The following OPCML variants were observed in gnomAD, a reference collection of about 807,000 sequenced individuals.
OPCML encodes opioid-binding protein/cell adhesion molecule.
In OPCML, 13 loss-of-function variants were observed where a neutral mutation model predicts 37.8. The ratio of observed to expected loss-of-function variants is 0.34; its 90% confidence interval spans 0.22 to 0.55. The LOEUF is 0.55. Among genes scored for constraint, OPCML ranks in the 20% least tolerant of loss-of-function variants. The pLI, the probability that OPCML is intolerant of heterozygous loss-of-function variation, is 0.91. For synonymous variants in OPCML, 176 were observed against 168.8 expected, an observed-to-expected ratio of 1.04 and a Z score of -0.33; for missense variants, 341 against 435.6, an observed-to-expected ratio of 0.78 and a Z score of 1.93.
At chr11:133,482,578 G>A (rs538607837) in intron 1 of OPCML, among the ~76,000 whole-genome samples, 1 of 152,152 alleles carries the variant, frequency 6.6e-6, no homozygotes, top group South Asian at 2.1e-4. Flanking sequence ...GAATGCTCCT[G>A]TTACCTCTGT....
At chr11:133,273,653 C>T (rs1941913422) in intron 1 of OPCML, among the ~76,000 whole-genome samples, 1 of 152,140 alleles carries the variant, frequency 6.6e-6, no homozygotes. Flanking sequence ...ATCTGCTAAG[C>T]CAGAAGCTGA....
chr11:132,649,900 C>T (rs545090637), intron 3 of OPCML, among the ~76,000 whole-genome samples: 4 of 151,760 alleles, frequency 2.6e-5, no homozygotes, highest in Admixed American at 1.3e-4. Context: ...CTCACACTCA[C>T]GAATGCCCTC....
chr11:132,628,984 G>A (rs750862081), intron 3 of OPCML, among the ~76,000 whole-genome samples: 1 of 152,116 alleles, frequency 6.6e-6, no homozygotes, highest in African/African-American at 2.4e-5. Context: ...AGTCTTGGGT[G>A]TGTCTTTATT....
At position 132,580,075 on chromosome 11, in the gene OPCML, C is replaced by T. The variant is rs188018488; in HGVS notation, c.380-50889G>A. On this transcript the variant is annotated intron_variant, in intron 3 of 7. Transcript: ENST00000524381. ...CTTAGCAACCTTGGCATCTTTGCAG[C>T]CTGAGAGAAGGGGAACCAGCAAACA... 2.0e-3 allele frequency among the ~76,000 whole-genome samples: 306 copies of T among 152,240 alleles called. 3 individuals carry two copies. The South Asian group carries it at 0.022, about 11-fold the overall frequency.
chr11:133,000,643 A>G (rs1946980379), intron 1 of OPCML, among the ~76,000 whole-genome samples: 1 of 152,226 alleles, frequency 6.6e-6, no homozygotes, highest in Non-Finnish European at 1.5e-5. Flanking sequence ...GAGAGAAGTA[A>G]TAAGGAAGGC....
intron 1 of OPCML, among the ~76,000 whole-genome samples, chr11:133,108,287 G>T (rs1456062521): frequency 6.6e-6 from 1 of 152,172 alleles, no homozygotes; most frequent in Non-Finnish European, 1.5e-5. Flanking sequence ...GTCCTTAGAA[G>T]GGTGTTGTTG....
intron 2 of OPCML, among the ~76,000 whole-genome samples, chr11:132,803,334 C>T (rs910432876): frequency 7.2e-5 from 11 of 152,156 alleles, no homozygotes; most frequent in African/African-American, 2.4e-4. Flanking sequence ...TATATTATTC[C>T]ACCCAAAGCT....
chr11:132,495,045 C>G (rs1171150191), intron 4 of OPCML, among the ~76,000 whole-genome samples: 1 of 148,746 alleles, frequency 6.7e-6, no homozygotes, highest in Admixed American at 6.6e-5. Context: ...GAGTGCTTTT[C>G]TCAAAGTTTA....
chr11:132,974,780 C>A (rs1447228599), intron 1 of OPCML, among the ~76,000 whole-genome samples: 1 of 152,102 alleles, frequency 6.6e-6, no homozygotes, highest in African/African-American at 2.4e-5. Flanking sequence ...TCAACACTTT[C>A]TCTTCCTTCA....
At chr11:132,554,872 T>TTTTTG (rs1555152103) in intron 3 of OPCML, among the ~76,000 whole-genome samples, 4 of 131,114 alleles carry the variant, frequency 3.1e-5, no homozygotes, top group African/African-American at 1.2e-4. Context: ...AGTTTTTTTT[T>TTTTTG]TTTTTTTTTT....
chr11:132,700,934 CTAA>C (rs775068010), intron 2 of OPCML, among the ~76,000 whole-genome samples: 6 of 152,144 alleles, frequency 3.9e-5, no homozygotes, highest in Non-Finnish European at 8.8e-5. Flanking sequence ...TTTCATTCTG[CTAA>C]TGTTTGCTTT....
intron 1 of OPCML, among the ~76,000 whole-genome samples, chr11:133,197,156 C>T (rs1358764604): frequency 1.3e-5 from 2 of 152,186 alleles, no homozygotes; most frequent in Non-Finnish European, 2.9e-5. Flanking sequence ...GGCATTTTAG[C>T]AGGCAAACAA....
At position 132,420,036 on chromosome 11, in the gene OPCML, A is replaced by G. The variant is rs2136644008; in HGVS notation, c.*157T>C. The G allele has an allele frequency of 1.7e-6, 1 of 596,298 alleles. No homozygotes were observed. Among genetic ancestry groups the G allele is most frequent in the East Asian group, 3.0e-5 (1 of 33,650 alleles). The allele number at this position is 596,298 out of a possible 1,614,324, so 36.9% of individuals were successfully genotyped here. A position where few individuals can be genotyped will look rare whatever the true frequency, so the allele number is the denominator to read the frequency against. ...AACCCCACTCATTCAAGCTGGAAATAAAAGCAAACAAACAAATAAACAAAA... is the reference window on the plus strand; with the variant it reads ...AACCCCACTCATTCAAGCTGGAAATGAAAGCAAACAAACAAATAAACAAAA... On this transcript the variant is annotated 3_prime_UTR_variant, in exon 8 of 8. Coordinates refer to ENST00000524381, the MANE Select transcript of OPCML (RefSeq NM_001012393.5).
At chr11:132,808,530 G>T (rs1591638212) in intron 2 of OPCML, among the ~76,000 whole-genome samples, 1 of 152,140 alleles carries the variant, frequency 6.6e-6, no homozygotes, top group Middle Eastern at 3.2e-3. Context: ...ATCCTGAAGG[G>T]TTAACACATT....
intron 4 of OPCML, among the ~76,000 whole-genome samples, chr11:132,479,137 C>T (rs1461914969): frequency 6.6e-6 from 1 of 152,142 alleles, no homozygotes; most frequent in African/African-American, 2.4e-5. Context: ...GTTCATCACA[C>T]AAGGGAGTGC....
chr11:132,830,876 A>G (rs1489490638), intron 2 of OPCML, among the ~76,000 whole-genome samples: 1 of 152,230 alleles, frequency 6.6e-6, no homozygotes, highest in Non-Finnish European at 1.5e-5. Context: ...TTCCCCCAGC[A>G]GTCTTGATAT....
At chr11:132,905,857 A>G (rs181120413) in intron 2 of OPCML, among the ~76,000 whole-genome samples, 1 of 152,320 alleles carries the variant, frequency 6.6e-6, no homozygotes, top group Admixed American at 6.5e-5. Flanking sequence ...ACAAACTAAT[A>G]TGTGTAAAAG....
At chr11:132,592,229 A>G (rs2137713665) in intron 3 of OPCML, among the ~76,000 whole-genome samples, 1 of 152,320 alleles carries the variant, frequency 6.6e-6, no homozygotes, top group Admixed American at 6.5e-5. Context: ...CAAAGTGTGC[A>G]TGTTTTGCGG....
chr11:133,006,063 A>C, intron 1 of OPCML: 1 of 985,322 alleles, frequency 1.0e-6, no homozygotes, highest in Non-Finnish European at 1.2e-6. Context: ...GCGACCGGGA[A>C]TGGAGTGTGC....
Sources: gnomAD v4.1 joint callset for allele counts (sites outside exome capture counted in the v4.1 genomes callset) on GRCh38, gnomAD v4.1.1 for gene constraint, MANE v1.5 for transcripts, NCBI Gene and HGNC (gene_info 2026-07-23, HGNC 2026-07-21) for gene names.